SMAD7: variants seen among roughly 807,000 people sequenced by gnomAD.
The protein encoded by SMAD7 is MAD (mothers against decapentaplegic, Drosophila) homolog 7.
In SMAD7, 8 loss-of-function variants were observed where a neutral mutation model predicts 38.7. The observed-to-expected ratio is 0.21, with a 90% CI of 0.12 to 0.37. The LOEUF (loss-of-function observed/expected upper bound fraction) is 0.37. SMAD7 is among the 10% of genes least tolerant of loss of function. The pLI, the probability that SMAD7 is intolerant of heterozygous loss-of-function variation, is 1.00. For missense variants in SMAD7, 477 were observed against 577.9 expected (o/e 0.83, Z 1.79); for synonymous variants, 327 against 265.1 (o/e 1.23, Z -2.27).
chr18:48,950,582 C>A lies in SMAD7; in HGVS notation c.-158G>T. On this transcript the variant is annotated 5_prime_UTR_variant, in exon 1 of 4. Coordinates refer to ENST00000262158, the MANE Select transcript of SMAD7 (RefSeq NM_005904.4). ...GCAGGAGCGGCGGCGGCCCGAGGGG[C>A]GCTCCGTGGCATGCGCCAGTCTCCC... 8.9e-6 allele frequency: 5 copies of A among 561,472 alleles called. No individual in the cohort carries two copies. Among genetic ancestry groups the A allele is most frequent in the Middle Eastern group, 5.4e-4 (1 of 1,842 alleles). The allele number at this position is 561,472 out of a possible 1,614,324, so 34.8% of individuals were successfully genotyped here. A position where few individuals can be genotyped will look rare whatever the true frequency, so the allele number is the denominator to read the frequency against.
In SMAD7 at chr18:48,920,360, C is replaced by T. The variant is rs1056585107; in HGVS notation, c.*1012G>A. On this transcript the variant is annotated 3_prime_UTR_variant, in exon 4 of 4. Coordinates refer to ENST00000262158, the MANE Select transcript of SMAD7 (RefSeq NM_005904.4). ...AGTTAGGTGTCAGCCTAGGATGGTACCTTGGGTTATGACGGACCAAATCCT... is the reference window on the plus strand; with the variant it reads ...AGTTAGGTGTCAGCCTAGGATGGTATCTTGGGTTATGACGGACCAAATCCT... 3 of 152,590 alleles carry T rather than the reference C, an allele frequency of 2.0e-5. No homozygotes were observed. Among genetic ancestry groups the T allele is most frequent in the African/African-American group, 7.2e-5 (3 of 41,434 alleles). The allele number at this position is 152,590 out of a possible 1,614,324, so 9.5% of individuals were successfully genotyped here.
intron 3 of SMAD7, among the ~76,000 whole-genome samples, chr18:48,937,914 A>G (rs1339096435): frequency 2.6e-5 from 4 of 152,220 alleles, no homozygotes. Context: ...ATGGCATTAG[A>G]GACCTCAGTG....
intron 3 of SMAD7, among the ~76,000 whole-genome samples, chr18:48,931,056 C>T (rs766416417): frequency 2.4e-4 from 37 of 152,058 alleles, no homozygotes; most frequent in East Asian, 1.9e-4. Flanking sequence ...TGAAATAAGC[C>T]GATCACAAAA....
intron 3 of SMAD7, among the ~76,000 whole-genome samples, chr18:48,939,441 C>G (rs1429079845): frequency 6.6e-6 from 1 of 150,650 alleles, no homozygotes; most frequent in Non-Finnish European, 1.5e-5. Flanking sequence ...AGCAGCCCCG[C>G]CCCCGGGCTC....
At chr18:48,940,312 C>A (rs1485407082) in intron 3 of SMAD7, among the ~76,000 whole-genome samples, 1 of 152,254 alleles carries the variant, frequency 6.6e-6, no homozygotes, top group Non-Finnish European at 1.5e-5. Flanking sequence ...TGAAGCCACA[C>A]TGCCCTTCAG....
chr18:48,950,441 A>G lies in SMAD7; in HGVS notation c.-17T>C, dbSNP rs978846710. 1.9e-6 allele frequency: 3 copies of G among 1,543,588 alleles called. No individual in the cohort carries two copies. The highest frequency in any genetic ancestry group is 2.6e-6 in the Non-Finnish European group (3 of 1,147,064). On this transcript the variant is annotated 5_prime_UTR_variant, in exon 1 of 4. Transcript: ENST00000262158. ...CCTGAACATGCGGGGCGAGGAGGCG[A>G]GGAGAAAAGTCGTTTGCCTGCTAAG...
At chr18:48,922,436 G>A (rs745469285) in intron 3 of SMAD7, among the ~76,000 whole-genome samples, 5 of 152,050 alleles carry the variant, frequency 3.3e-5, no homozygotes, top group Non-Finnish European at 7.4e-5. Context: ...TCTAGACTCT[G>A]GGACCACCTA....
chr18:48,945,184 G>C (rs1462775687), intron 2 of SMAD7, among the ~76,000 whole-genome samples: 1 of 152,036 alleles, frequency 6.6e-6, no homozygotes, highest in East Asian at 1.9e-4. Context: ...AGCACTGCCA[G>C]GTGCAGTGGC....
At position 48,929,569 on chromosome 18, in the gene SMAD7, T is replaced by TCTCTCACACACACACACACACACACA. The variant is rs3082710; in HGVS notation, c.743-7660_743-7659insTGTGTGTGTGTGTGTGTGTGTGAGAG. ...CTCTCTTTCTCTCTCTCTCTCTCTC[T>TCTCTCACACACACACACACACACACA]CACTCACACACACACACACACACAC... On this transcript the variant is annotated intron_variant, in intron 3 of 3. Coordinates refer to ENST00000262158, the MANE Select transcript of SMAD7 (RefSeq NM_005904.4). 9.6e-4 allele frequency among the ~76,000 whole-genome samples: 110 copies of TCTCTCACACACACACACACACACACA among 114,596 alleles called. 2 individuals carry two copies. The highest frequency in any genetic ancestry group is 2.2e-3 in the East Asian group (8 of 3,676). 75.2% of individuals were successfully genotyped at this position (114,596 alleles called of 152,430 possible).
chr18:48,935,708 G>A (rs767305944), intron 3 of SMAD7, among the ~76,000 whole-genome samples: 6 of 152,158 alleles, frequency 3.9e-5, no homozygotes, highest in Admixed American at 3.3e-4. Flanking sequence ...GAACTTTCCT[G>A]TCTCTCATTT....
At chr18:48,949,220 G>A (rs1455792481) in intron 1 of SMAD7, 2 of 931,794 alleles carry the variant, frequency 2.1e-6, no homozygotes, top group African/African-American at 1.8e-5. Context: ...GTTGAAAGGA[G>A]ACAGATACCC....
At chr18:48,944,656 CT>C (rs1018383408) in intron 2 of SMAD7, among the ~76,000 whole-genome samples, 1 of 152,220 alleles carries the variant, frequency 6.6e-6, no homozygotes, top group Non-Finnish European at 1.5e-5. Context: ...TATGGAGTCC[CT>C]ACCCTCTTTC....
chr18:48,927,604 G>T (rs949688972), intron 3 of SMAD7, among the ~76,000 whole-genome samples: 4 of 152,156 alleles, frequency 2.6e-5, no homozygotes, highest in Admixed American at 2.6e-4. Flanking sequence ...TTCCCCCAAG[G>T]CCAGCCTCAT....
intron 3 of SMAD7, among the ~76,000 whole-genome samples, chr18:48,941,709 C>T (rs2070141784): frequency 6.6e-6 from 1 of 152,186 alleles, no homozygotes; most frequent in Admixed American, 6.5e-5. Context: ...AATAGGATTT[C>T]TTCAGAACAA....
chr18:48,925,368 G>A (rs1156543213), intron 3 of SMAD7, among the ~76,000 whole-genome samples: 2 of 152,130 alleles, frequency 1.3e-5, no homozygotes, highest in African/African-American at 4.8e-5. Flanking sequence ...TTATTACAGT[G>A]TGGGGAATTT....
chr18:48,924,884 G>A (rs548335116), intron 3 of SMAD7, among the ~76,000 whole-genome samples: 1 of 152,330 alleles, frequency 6.6e-6, no homozygotes, highest in African/African-American at 2.4e-5. Context: ...ACCTTCTGGG[G>A]ACCCCGCACG....
chr18:48,949,581 G>A (rs998580816), intron 1 of SMAD7, among the ~76,000 whole-genome samples: 1 of 152,170 alleles, frequency 6.6e-6, no homozygotes, highest in African/African-American at 2.4e-5. Context: ...AAACCTGGAA[G>A]GGAACCCCCA....
Position 48,921,352 on chromosome 18 carries a change from T to C in SMAD7, c.*20A>G, listed in dbSNP as rs1171934476. On this transcript the variant is annotated 3_prime_UTR_variant, in exon 4 of 4. Coordinates refer to ENST00000262158, the MANE Select transcript of SMAD7 (RefSeq NM_005904.4). This position sits in a 1 kb window ranked among gnomAD's most constrained non-coding sequence, Gnocchi z 6.4. Reference sequence around the variant, plus strand: ...GAAGTGTGGCCTGCTCAGCTCACGCTCTGTCCCCTCCGCACGCGGCTACCG... The same window carrying C: ...GAAGTGTGGCCTGCTCAGCTCACGCCCTGTCCCCTCCGCACGCGGCTACCG... 1 of 1,599,034 alleles carries C rather than the reference T, an allele frequency of 6.3e-7. No individual in the cohort carries two copies. The highest frequency in any genetic ancestry group is 2.2e-5 in the East Asian group (1 of 44,556).
At position 48,920,988 on chromosome 18, in the gene SMAD7, G is replaced by A. The variant is rs1388739274; in HGVS notation, c.*384C>T. The A allele has an allele frequency of 1.0e-5, 2 of 192,962 alleles. No individual in the cohort carries two copies. Among genetic ancestry groups the A allele is most frequent in the Non-Finnish European group, 2.1e-5 (2 of 94,324 alleles). 12.0% of individuals were successfully genotyped at this position (192,962 alleles called of 1,614,324 possible). On this transcript the variant is annotated 3_prime_UTR_variant, in exon 4 of 4. Transcript: ENST00000262158. ...AGAGCACGTTGTCTCCCCATCTGCCGCTCCTGCACACGCGTGCACACACAG... is the reference window on the plus strand; with the variant it reads ...AGAGCACGTTGTCTCCCCATCTGCCACTCCTGCACACGCGTGCACACACAG...
Sources: allele counts gnomAD v4.1 joint callset (sites outside exome capture counted in the v4.1 genomes callset), GRCh38; gene constraint gnomAD v4.1.1; non-coding constraint Gnocchi (gnomAD v3.1); transcripts MANE v1.5; gene names NCBI Gene and HGNC (gene_info 2026-07-23, HGNC 2026-07-21).